SLC27A2: variants seen among roughly 807,000 people sequenced by gnomAD.
SLC27A2 encodes solute carrier family 27 member 2.
In SLC27A2, 54 loss-of-function variants were observed where a neutral mutation model predicts 60.0. The ratio of observed to expected loss-of-function variants is 0.90; its 90% CI spans 0.72 to 1.13. SLC27A2 has a LOEUF of 1.13. Ranked by LOEUF, SLC27A2 falls within the 50% of genes most tolerant of loss-of-function variation. SLC27A2 has a pLI of 0.00. For missense variants in SLC27A2, 739 were observed against 777.6 expected (o/e 0.95, Z 0.59); for synonymous variants, 297 against 297.6 (o/e 1.00, Z 0.02).
chr15:50,219,450 G>T (rs993160972), intron 4 of SLC27A2, among the ~76,000 whole-genome samples: 1 of 150,660 alleles, frequency 6.6e-6, no homozygotes, highest in Admixed American at 6.6e-5. Flanking sequence ...TTTTTTTTGT[G>T]GGGGGTGGAA....
intron 4 of SLC27A2, among the ~76,000 whole-genome samples, chr15:50,218,919 A>T (rs1286593158): frequency 1.3e-5 from 2 of 152,228 alleles, no homozygotes; most frequent in Admixed American, 1.3e-4. Flanking sequence ...GAGCAGATAG[A>T]TTTCACCATG....
intron 1 of SLC27A2, among the ~76,000 whole-genome samples, chr15:50,188,025 G>A (rs1190731504): frequency 6.6e-6 from 1 of 150,952 alleles, no homozygotes; most frequent in African/African-American, 2.4e-5. Context: ...AGTTTTCTCT[G>A]TGCCATGATG....
intron 4 of SLC27A2, among the ~76,000 whole-genome samples, chr15:50,212,923 AAG>A (rs1567433459): frequency 6.6e-6 from 1 of 152,220 alleles, no homozygotes; most frequent in African/African-American, 2.4e-5. Context: ...ACAGGCAACA[AAG>A]AGCATGATGA....
chr15:50,222,428 C>G (rs2045249797), intron 4 of SLC27A2, among the ~76,000 whole-genome samples: 1 of 152,194 alleles, frequency 6.6e-6, no homozygotes, highest in Admixed American at 6.5e-5. Context: ...CTCTCTCTCT[C>G]TGTCGCTCAC....
At chr15:50,195,311 GAAA>G (rs745744454) in intron 1 of SLC27A2, among the ~76,000 whole-genome samples, 3,701 of 110,992 alleles carry the variant, frequency 0.033, 139 homozygotes, top group East Asian at 0.13. Flanking sequence ...CTAAAAATAT[GAAA>G]AAAAAAAAAA....
intron 9 of SLC27A2, among the ~76,000 whole-genome samples, chr15:50,234,314 G>A (rs6493419): frequency 0.15 from 22,050 of 152,024 alleles, 1,653 homozygotes; most frequent in Middle Eastern, 0.18. Flanking sequence ...AAGGCCAAAC[G>A]CGGTGGCTCA....
intron 1 of SLC27A2, among the ~76,000 whole-genome samples, chr15:50,184,869 G>A (rs2044907728): frequency 6.6e-6 from 1 of 152,038 alleles, no homozygotes; most frequent in African/African-American, 2.4e-5. Flanking sequence ...CAAGTTTAAA[G>A]GTGGCTAAAT....
At chr15:50,203,294 C>T (rs2045080854) in intron 3 of SLC27A2, among the ~76,000 whole-genome samples, 1 of 152,126 alleles carries the variant, frequency 6.6e-6, no homozygotes, top group Non-Finnish European at 1.5e-5. Context: ...TAAACTTCTG[C>T]AGTTGTGTGC....
chr15:50,235,610 A>C (rs574901366), intron 9 of SLC27A2, among the ~76,000 whole-genome samples: 3 of 152,380 alleles, frequency 2.0e-5, no homozygotes, highest in South Asian at 2.1e-4. Context: ...TAAAGAGTGG[A>C]TGTTACTTGC....
intron 4 of SLC27A2, among the ~76,000 whole-genome samples, chr15:50,213,689 A>G (rs2045174166): frequency 6.6e-6 from 1 of 152,184 alleles, no homozygotes; most frequent in Non-Finnish European, 1.5e-5. Context: ...AGGGAAATTA[A>G]ATAACCTGCT....
chr15:50,202,504 A>G lies in SLC27A2; in HGVS notation c.706A>G (p.Met236Val), dbSNP rs751280369. The G allele has an allele frequency of 1.2e-5, 19 of 1,614,212 alleles. No homozygotes were observed. The highest frequency in any genetic ancestry group is 2.2e-5 in the East Asian group (1 of 44,888). Residue 236 changes from methionine to valine, a missense_variant, in exon 3 of 10, where the codon ATG (methionine) becomes GTG (valine). Transcript: ENST00000267842. ...SGTTGLPKAA[M>V]ITHQRIWYGT... ...TTACAAAGGTCTTCCAAAAGCAGCC[A>G]TGATCACTCATCAGCGCATATGGTA...
rs540503006 is a variant in SLC27A2, at chr15:50,229,323, C to T, written c.1555+281C>T. Among the ~76,000 whole-genome samples the T allele has an allele frequency of 3.9e-5, 6 of 152,272 alleles. No homozygotes were observed. In the South Asian group the frequency reaches 1.0e-3, roughly 26 times the overall value. ...GCTCCATGCCACATTTGGCACACCT[C>T]GAGAAAAGTCGTGTCATGCTTAAGA... is the stretch of plus-strand genomic sequence containing the variant. On this transcript the variant is annotated intron_variant, in intron 8 of 9. Coordinates refer to ENST00000267842, the MANE Select transcript of SLC27A2 (RefSeq NM_003645.4).
At chr15:50,185,315 T>C (rs2044911782) in intron 1 of SLC27A2, among the ~76,000 whole-genome samples, 1 of 152,146 alleles carries the variant, frequency 6.6e-6, no homozygotes, top group Admixed American at 6.5e-5. Context: ...CCTAAGGCAC[T>C]CTCTGGACCG....
intron 7 of SLC27A2, among the ~76,000 whole-genome samples, chr15:50,228,376 C>CAAAAAAA (rs71124333): frequency 1.3e-5 from 1 of 77,272 alleles, no homozygotes. Flanking sequence ...GACTCTGCCT[C>CAAAAAAA]AAAAAAAAAA....
At chr15:50,209,754 G>T (rs2045140080) in intron 4 of SLC27A2, among the ~76,000 whole-genome samples, 1 of 152,166 alleles carries the variant, frequency 6.6e-6, no homozygotes, top group Non-Finnish European at 1.5e-5. Flanking sequence ...AGGCAGAAGT[G>T]TAACATATTA....
At chr15:50,194,028 C>G (rs1455756658) in intron 1 of SLC27A2, among the ~76,000 whole-genome samples, 1 of 152,092 alleles carries the variant, frequency 6.6e-6, no homozygotes, top group African/African-American at 2.4e-5. Flanking sequence ...CTCCTGTAGT[C>G]CCAGTTACTT....
In SLC27A2 at chr15:50,224,779, C is replaced by T. The variant is rs117125842; in HGVS notation, c.1168-1209C>T. ...CCACATTTCCAGTGCTGAATAGCCA[C>T]GTGTGGTTAGTAACTACCGTATTGA... is the stretch of plus-strand genomic sequence containing the variant. On this transcript the variant is annotated intron_variant, in intron 5 of 9. Transcript: ENST00000267842. Among the ~76,000 whole-genome samples, 1,228 of 152,312 alleles carry T rather than the reference C, an allele frequency of 8.1e-3. 7 individuals are homozygous for T. Among genetic ancestry groups the T allele is most frequent in the Non-Finnish European group, 0.013 (899 of 68,028 alleles).
intron 9 of SLC27A2, among the ~76,000 whole-genome samples, chr15:50,234,259 A>G (rs1017324256): frequency 6.6e-6 from 1 of 152,132 alleles, no homozygotes; most frequent in African/African-American, 2.4e-5. Context: ...CAGCCTAGGC[A>G]ACGTAGTGAG....
chr15:50,197,427 T>C, intron 1 of SLC27A2, 73 bp from the exon 2 acceptor site: 1 of 1,135,474 alleles, frequency 8.8e-7, no homozygotes, highest in East Asian at 2.4e-5. Flanking sequence ...AAAATTATGA[T>C]GCTTGTTGAA....
Sources: allele counts gnomAD v4.1 joint callset (sites outside exome capture counted in the v4.1 genomes callset), GRCh38; gene constraint gnomAD v4.1.1; transcripts MANE v1.5; gene names NCBI Gene and HGNC (gene_info 2026-07-23, HGNC 2026-07-21).